Variants in PLEKHA2 observed in about 807,000 individuals in gnomAD.
PLEKHA2 encodes pleckstrin homology domain containing A2, also known as pleckstrin homology domain-containing family A member 2.
In PLEKHA2, 28 loss-of-function variants were observed where a neutral mutation model predicts 53.2. The ratio of observed to expected loss-of-function variants is 0.53; its 90% CI spans 0.39 to 0.72. PLEKHA2 has a LOEUF of 0.72. Ranked by LOEUF, PLEKHA2 falls within the 30% of genes least tolerant of loss-of-function variation. PLEKHA2 has a pLI of 0.00. For synonymous variants in PLEKHA2, 193 were observed against 196.4 expected (o/e 0.98, Z 0.14); for missense variants, 426 against 537.9 (o/e 0.79, Z 2.06).
In PLEKHA2 at chr8:38,969,818, G is replaced by A; in HGVS notation, c.*35G>A. 1 of 605,508 alleles carries A rather than the reference G, an allele frequency of 1.7e-6. No homozygotes were observed. Among genetic ancestry groups the A allele is most frequent in the Non-Finnish European group, 3.0e-6 (1 of 338,216 alleles). 37.5% of individuals were successfully genotyped at this position (605,508 alleles called of 1,614,324 possible). ...GTGCCATGGGAGGGAGGGAGGGAGG[G>A]AGGACTTGAGAGAAGGAGGCTGTGA... On this transcript the variant is annotated 3_prime_UTR_variant, in exon 12 of 12. Transcript: ENST00000617275.
At chr8:38,906,633 A>G (rs906357624) in intron 1 of PLEKHA2, among the ~76,000 whole-genome samples, 1 of 152,130 alleles carries the variant, frequency 6.6e-6, no homozygotes, top group African/African-American at 2.4e-5. Flanking sequence ...CCCGCCTTAC[A>G]CTATTTGGAA....
At chr8:38,940,363 C>T (rs1245807892) in intron 3 of PLEKHA2, among the ~76,000 whole-genome samples, 1 of 152,116 alleles carries the variant, frequency 6.6e-6, no homozygotes, top group East Asian at 1.9e-4. Context: ...CGTGCCATTG[C>T]ACTCCAGCCT....
At position 38,912,650 on chromosome 8, in the gene PLEKHA2, C is replaced by T. The variant is rs146125845; in HGVS notation, c.-23-5257C>T. On this transcript the variant is annotated intron_variant, in intron 1 of 11. Coordinates refer to ENST00000617275, the MANE Select transcript of PLEKHA2 (RefSeq NM_021623.2). ...CAGTGGATCTGGGGGCCTGGGGCAG[C>T]TCTGTGGACCCAATCTTAGCAACTG... is the stretch of plus-strand genomic sequence containing the variant. Among the ~76,000 whole-genome samples, 793 of 152,316 alleles carry T rather than the reference C, an allele frequency of 5.2e-3. 1 individual carries two copies. Among genetic ancestry groups the T allele is most frequent in the Non-Finnish European group, 8.8e-3 (599 of 68,026 alleles).
intron 5 of PLEKHA2, 46 bp from the exon 6 acceptor site, chr8:38,950,804 C>A (rs775054501): frequency 6.3e-7 from 1 of 1,583,912 alleles, no homozygotes; most frequent in Admixed American, 1.8e-5. Context: ...CCCCATGTTT[C>A]CTAAATGTTC....
intron 2 of PLEKHA2, among the ~76,000 whole-genome samples, chr8:38,929,727 G>GCA (rs1834354242): frequency 6.6e-6 from 1 of 152,208 alleles, no homozygotes; most frequent in Non-Finnish European, 1.5e-5. Context: ...CTTTGCCAAA[G>GCA]CACCAGATTG....
chr8:38,954,316 A>C (rs1350087246), intron 9 of PLEKHA2, among the ~76,000 whole-genome samples: 9 of 152,154 alleles, frequency 5.9e-5, no homozygotes, highest in Admixed American at 5.9e-4. Flanking sequence ...CCCAGTGACT[A>C]TTTATAATTC....
At chr8:38,952,885 A>T (rs1482415400) in intron 8 of PLEKHA2, among the ~76,000 whole-genome samples, 181 bp downstream of exon 8, 1 of 152,226 alleles carries the variant, frequency 6.6e-6, no homozygotes, top group Non-Finnish European at 1.5e-5. Context: ...TCCTCTCTGC[A>T]GTGAGCTGCT....
chr8:38,943,800 T>A lies in PLEKHA2; in HGVS notation c.210T>A (p.Ala70=). Residue 70 remains alanine, a synonymous_variant, in exon 4 of 12, where the codon GCT becomes GCA. Transcript: ENST00000617275. ...CTTATTTGATTTAGGTGAGCATAGC[T>A]ACCCCAAAACAGAAACCAAAAACTC... ...QLTYISKVSI[A]TPKQKPKTPF... The A allele has an allele frequency of 6.3e-7, 1 of 1,577,454 alleles. No individual in the cohort carries two copies. The highest frequency in any genetic ancestry group is 8.6e-7 in the Non-Finnish European group (1 of 1,160,952).
intron 1 of PLEKHA2, among the ~76,000 whole-genome samples, chr8:38,914,821 C>G (rs762392225): frequency 6.6e-6 from 1 of 152,220 alleles, no homozygotes; most frequent in Non-Finnish European, 1.5e-5. Context: ...GCAACAAGAG[C>G]AGAGGTTGGC....
At chr8:38,942,808 A>G (rs1442584923) in intron 3 of PLEKHA2, among the ~76,000 whole-genome samples, 2 of 152,172 alleles carry the variant, frequency 1.3e-5, no homozygotes, top group African/African-American at 4.8e-5. Flanking sequence ...CAGGGGTAGG[A>G]TTGCCAGAGC....
rs1318580859 is a variant in PLEKHA2, at chr8:38,970,938, AAAGG to A, written c.*1159_*1162del. ...TGGTGAATTGCCACCAGCGTTCCCTAAAGGAAGAGAGAACTTAGCTTATTTCTGT... is the reference window on the plus strand; with the variant it reads ...TGGTGAATTGCCACCAGCGTTCCCTAAAGAGAGAACTTAGCTTATTTCTGT... On this transcript the variant is annotated 3_prime_UTR_variant, in exon 12 of 12. Coordinates refer to ENST00000617275, the MANE Select transcript of PLEKHA2 (RefSeq NM_021623.2). 6.6e-6 allele frequency: 1 copy of A among 152,234 alleles called. No individual in the cohort carries two copies. Among genetic ancestry groups the A allele is most frequent in the Non-Finnish European group, 1.5e-5 (1 of 68,048 alleles). 9.4% of individuals were successfully genotyped at this position (152,234 alleles called of 1,614,324 possible).
intron 7 of PLEKHA2, 95 bp from the exon 8 acceptor site, chr8:38,952,541 C>T (rs889028026): frequency 7.0e-6 from 10 of 1,423,016 alleles, no homozygotes; most frequent in Non-Finnish European, 9.6e-6. Flanking sequence ...GCCGGACTTC[C>T]ATGGGGCTGG....
At chr8:38,951,469 GTTTTTT>G (rs144541661) in intron 6 of PLEKHA2, among the ~76,000 whole-genome samples, 207 of 91,814 alleles carry the variant, frequency 2.3e-3, no homozygotes, top group Non-Finnish European at 3.6e-3. Flanking sequence ...ATTTATTTAA[GTTTTTT>G]TTTTTTTTTT....
intron 5 of PLEKHA2, among the ~76,000 whole-genome samples, chr8:38,947,505 C>T (rs577896834): frequency 5.9e-5 from 9 of 152,154 alleles, no homozygotes; most frequent in South Asian, 2.1e-4. Flanking sequence ...CACCTGTATT[C>T]CCAGCTACTT....
At chr8:38,911,703 G>C (rs1833957267) in intron 1 of PLEKHA2, among the ~76,000 whole-genome samples, 1 of 152,168 alleles carries the variant, frequency 6.6e-6, no homozygotes, top group Non-Finnish European at 1.5e-5. Flanking sequence ...GGCTGGGTGT[G>C]GTGGCTCATG....
In PLEKHA2 at chr8:38,936,150, A is replaced by C. The variant is rs138633672; in HGVS notation, c.198+100A>C. On this transcript the variant is annotated intron_variant, in intron 3 of 11. Coordinates refer to ENST00000617275, the MANE Select transcript of PLEKHA2 (RefSeq NM_021623.2). The stretch of plus-strand genomic sequence containing the variant: ...GTCCTTTGGGCATTAGTATTTAGGG[A>C]CGTTGCATGGTGTTGAAATGCTCCC... The C allele has an allele frequency of 7.5e-5, 98 of 1,298,382 alleles. No individual in the cohort carries two copies. In the African/African-American group the frequency reaches 1.3e-3, roughly 17 times the overall value. 80.4% of individuals were successfully genotyped at this position (1,298,382 alleles called of 1,614,324 possible). A position where few individuals can be genotyped will look rare whatever the true frequency, so the allele number is the denominator to read the frequency against.
chr8:38,972,017 T>C lies in PLEKHA2; in HGVS notation c.*2234T>C, dbSNP rs1478740165. ...CATTATAATAAGCTGATTTGTTTCT[T>C]ATTCAGCAAGATCTCTTTTGAGAAT... On this transcript the variant is annotated 3_prime_UTR_variant, in exon 12 of 12. Coordinates refer to ENST00000617275, the MANE Select transcript of PLEKHA2 (RefSeq NM_021623.2). The C allele has an allele frequency of 1.3e-5, 2 of 152,222 alleles. No individual in the cohort carries two copies. Among genetic ancestry groups the C allele is most frequent in the Non-Finnish European group, 2.9e-5 (2 of 68,032 alleles). The allele number at this position is 152,222 out of a possible 1,614,324, so 9.4% of individuals were successfully genotyped here. A position where few individuals can be genotyped will look rare whatever the true frequency, so the allele number is the denominator to read the frequency against.
intron 3 of PLEKHA2, among the ~76,000 whole-genome samples, chr8:38,940,662 G>A (rs1266069296): frequency 1.3e-5 from 1 of 78,180 alleles, no homozygotes; most frequent in Non-Finnish European, 2.7e-5. Context: ...GGGGGGGGGG[G>A]TCAGAAACCC....
chr8:38,917,661 A>G (rs1834084576), intron 1 of PLEKHA2, among the ~76,000 whole-genome samples: 1 of 152,158 alleles, frequency 6.6e-6, no homozygotes, highest in African/African-American at 2.4e-5. Context: ...TCCTCTATGG[A>G]TGTAAAGTGC....
Sources: allele counts gnomAD v4.1 joint callset (sites outside exome capture counted in the v4.1 genomes callset), GRCh38; gene constraint gnomAD v4.1.1; transcripts MANE v1.5; gene names NCBI Gene and HGNC (gene_info 2026-07-23, HGNC 2026-07-21).